USP48: variants seen among roughly 807,000 people sequenced by gnomAD.
USP48 encodes the protein ubiquitin specific peptidase 48.
In USP48, 43 loss-of-function variants were observed where a neutral mutation model predicts 150.7. The ratio of observed to expected loss-of-function variants is 0.29; its 90% CI spans 0.22 to 0.37. USP48 has a LOEUF of 0.37. Among genes scored for constraint, USP48 ranks in the 10% least tolerant of loss-of-function variants. The pLI is 1.00. For missense variants in USP48, 813 were observed against 1,249.6 expected (o/e 0.65, Z 5.27); for synonymous variants, 396 against 425.9 (o/e 0.93, Z 0.86).
At chr1:21,721,360 T>G (rs1463931033) in intron 13 of USP48, among the ~76,000 whole-genome samples, 194 bp from the exon 14 acceptor site, 1 of 152,246 alleles carries the variant, frequency 6.6e-6, no homozygotes, top group Non-Finnish European at 1.5e-5. Context: ...ATCTAATATT[T>G]TGTTTCCATT....
Position 21,679,140 on chromosome 1 carries a change from T to C in USP48, c.*277A>G, listed in dbSNP as rs1181582080. 1.9e-6 allele frequency: 1 copy of C among 527,060 alleles called. No homozygotes were observed. The highest frequency in any genetic ancestry group is 3.4e-6 in the Non-Finnish European group (1 of 293,360). The allele number at this position is 527,060 out of a possible 1,614,324, so 32.6% of individuals were successfully genotyped here. ...ATATGTAAACATGATTTACTATTAC[T>C]GCTACTAAACTTGTTCCGTCTTTAC... On this transcript the variant is annotated 3_prime_UTR_variant, in exon 27 of 27. Coordinates refer to ENST00000308271, the MANE Select transcript of USP48 (RefSeq NM_032236.8).
intron 9 of USP48, among the ~76,000 whole-genome samples, chr1:21,734,918 T>A (rs996344436): frequency 6.6e-6 from 1 of 152,170 alleles, no homozygotes; most frequent in African/African-American, 2.4e-5. Context: ...ACTGAGGTGA[T>A]GAAAGTACAT....
chr1:21,724,934 C>T (rs1467997905), intron 11 of USP48: 1 of 152,118 alleles, frequency 6.6e-6, no homozygotes, highest in African/African-American at 2.4e-5. Flanking sequence ...TGAGTCCCAG[C>T]ATAAAACATA....
At chr1:21,774,580 A>C (rs1248538156) in intron 1 of USP48, among the ~76,000 whole-genome samples, 1 of 151,226 alleles carries the variant, frequency 6.6e-6, no homozygotes, top group Non-Finnish European at 1.5e-5. Flanking sequence ...CCAGCTACTC[A>C]GGAGGCTGAG....
At chr1:21,767,822 T>C (rs889371742) in intron 1 of USP48, among the ~76,000 whole-genome samples, 1 of 152,230 alleles carries the variant, frequency 6.6e-6, no homozygotes, top group Non-Finnish European at 1.5e-5. Context: ...TTCTAGGTTC[T>C]AGTTACTAAA....
intron 8 of USP48, among the ~76,000 whole-genome samples, chr1:21,740,908 T>C (rs536174628): frequency 3.3e-5 from 5 of 152,272 alleles, no homozygotes; most frequent in Admixed American, 6.5e-5. Flanking sequence ...TCAGATCAGG[T>C]TGACCTGAAC....
chr1:21,776,592 CAAA>C (rs59309344), intron 1 of USP48, among the ~76,000 whole-genome samples: 93 of 58,012 alleles, frequency 1.6e-3, no homozygotes, highest in Non-Finnish European at 2.4e-3. Flanking sequence ...TGTCTTGTCT[CAAA>C]AAAAAAAAAA....
rs2097673112 is a variant in USP48 at position 21,706,550 on chromosome 1, T to C, written c.2128A>G (p.Lys710Glu). The C allele has an allele frequency of 1.2e-6, 2 of 1,614,212 alleles. No homozygotes were observed. Among genetic ancestry groups the C allele is most frequent in the Non-Finnish European group, 1.7e-6 (2 of 1,180,036 alleles). The change falls in exon 17 of 27, where the codon AAG becomes GAG. Residue 710 changes from lysine to glutamate, a missense_variant. By Grantham distance (56) the Lys-to-Glu change is moderately conservative. Transcript: ENST00000308271. Reference protein sequence around the residue: ...REGEENEALHKMIANEQKTSL... With the variant: ...REGEENEALHEMIANEQKTSL... The stretch of plus-strand genomic sequence containing the variant: ...GTCTTTTGCTCGTTTGCAATCATCT[T>C]ATGTAAGGCTTCATTTTCTTCCCCT...
In USP48 at chr1:21,695,855, TTAAAAA is replaced by T. The variant is rs2097627499; in HGVS notation, c.2728-640_2728-635del. Among the ~76,000 whole-genome samples, 8 of 152,260 alleles carry T rather than the reference TTAAAAA, an allele frequency of 5.3e-5. No individual in the cohort carries two copies. In the South Asian group the frequency reaches 1.7e-3, roughly 32 times the overall value. On this transcript the variant is annotated intron_variant, in intron 22 of 26. Coordinates refer to ENST00000308271, the MANE Select transcript of USP48 (RefSeq NM_032236.8). ...AAACTAAGTATAAACTGTTGTGAATTTAAAAATAAAATATGGAACATTAATAAAAAA... is the reference window on the plus strand; with the variant it reads ...AAACTAAGTATAAACTGTTGTGAATTTAAAATATGGAACATTAATAAAAAA...
chr1:21,695,342 C>A (rs1017727699), intron 22 of USP48, 121 bp from the exon 23 acceptor site: 16 of 1,028,090 alleles, frequency 1.6e-5, no homozygotes, highest in African/African-American at 3.3e-5. Context: ...ATTTGAAATT[C>A]AATGTAAACA....
chr1:21,730,932 TG>T lies in USP48; in HGVS notation c.1172-1101del, dbSNP rs768223677. On this transcript the variant is annotated intron_variant, in intron 9 of 26. Coordinates refer to ENST00000308271, the MANE Select transcript of USP48 (RefSeq NM_032236.8). ...CGTGTCACCACACCCAGCTAATTTTTGTATTTTTAGTAGAGAGAAGATTTCA... is the reference window on the plus strand; with the variant it reads ...CGTGTCACCACACCCAGCTAATTTTTTATTTTTAGTAGAGAGAAGATTTCA... 2.6e-5 allele frequency among the ~76,000 whole-genome samples: 4 copies of T among 151,982 alleles called. No homozygotes were observed. The East Asian group carries it at 5.9e-4, about 22-fold the overall frequency.
intron 8 of USP48, among the ~76,000 whole-genome samples, chr1:21,737,692 T>C (rs2097771656): frequency 6.6e-6 from 1 of 152,208 alleles, no homozygotes; most frequent in African/African-American, 2.4e-5. Context: ...CAATTAATAC[T>C]GAAACCTACA....
chr1:21,697,442 T>G lies in USP48; in HGVS notation c.2728-2221A>C, dbSNP rs548718016. On this transcript the variant is annotated intron_variant, in intron 22 of 26. Transcript: ENST00000308271. ...ACTTTGGGAGGCCAAGGTGGGCGGATCACAAGGTCAGGAGATTGAGACCAT... is the reference window on the plus strand; with the variant it reads ...ACTTTGGGAGGCCAAGGTGGGCGGAGCACAAGGTCAGGAGATTGAGACCAT... Among the ~76,000 whole-genome samples the G allele has an allele frequency of 5.9e-5, 9 of 152,108 alleles. No individual in the cohort carries two copies. The East Asian group carries it at 1.7e-3, about 29-fold the overall frequency.
chr1:21,689,545 G>A (rs1490211944), intron 24 of USP48, among the ~76,000 whole-genome samples: 1 of 152,070 alleles, frequency 6.6e-6, no homozygotes. Context: ...AAATCAAATG[G>A]GAAAAATCAG....
At chr1:21,690,744 G>A (rs1163305763) in intron 23 of USP48, among the ~76,000 whole-genome samples, 1 of 151,914 alleles carries the variant, frequency 6.6e-6, no homozygotes, top group East Asian at 1.9e-4. Context: ...GCCCAGGCTG[G>A]TCTCGAATTC....
intron 1 of USP48, among the ~76,000 whole-genome samples, chr1:21,763,535 T>C (rs113484443): frequency 0.076 from 11,615 of 152,256 alleles, 500 homozygotes; most frequent in Middle Eastern, 0.11. Context: ...AAATAACAGC[T>C]GGGCGCAGTG....
chr1:21,704,387 G>C lies in USP48; in HGVS notation c.2390C>G (p.Ala797Gly). ...TTGCCACTCACTGGGCCATATGAGA[G>C]CTATACTGTGCAAAAAAAAAACACA... is the stretch of plus-strand genomic sequence containing the variant. Reference protein sequence around the residue: ...SMTKEDSKLIALIWPSEWQMI... With the variant: ...SMTKEDSKLIGLIWPSEWQMI... The change falls in exon 20 of 27, where the codon GCT (alanine) becomes GGT (glycine). Residue 797 changes from alanine (A) to glycine (G), a missense_variant. Transcript: ENST00000308271. The C allele has an allele frequency of 6.3e-7, 1 of 1,592,926 alleles. No homozygotes were observed. Among genetic ancestry groups the C allele is most frequent in the Non-Finnish European group, 8.5e-7 (1 of 1,174,320 alleles).
intron 1 of USP48, among the ~76,000 whole-genome samples, chr1:21,768,888 T>C (rs1339550931): frequency 2.6e-5 from 4 of 152,050 alleles, no homozygotes; most frequent in Non-Finnish European, 5.9e-5. Flanking sequence ...CAGCCTGGTC[T>C]TCCTGGCCTC....
intron 9 of USP48, among the ~76,000 whole-genome samples, chr1:21,730,708 G>A (rs1361840920): frequency 2.0e-5 from 3 of 150,726 alleles, no homozygotes; most frequent in African/African-American, 7.3e-5. Flanking sequence ...TAAAAATCAA[G>A]ACTGATGCAA....
Sources: allele counts gnomAD v4.1 joint callset (sites outside exome capture counted in the v4.1 genomes callset), GRCh38; gene constraint gnomAD v4.1.1; transcripts MANE v1.5; gene names NCBI Gene and HGNC (gene_info 2026-07-23, HGNC 2026-07-21).